CPA6: variants seen among roughly 807,000 people sequenced by gnomAD.
CPA6 encodes the protein carboxypeptidase B.
CPA6 carries 58 observed loss-of-function variants against 63.3 expected under a neutral mutation model. The observed-to-expected ratio is 0.92, with a 90% confidence interval of 0.74 to 1.14. The LOEUF is 1.14. CPA6 is among the 50% of genes most tolerant of loss of function. The probability of loss-of-function intolerance (pLI) is 0.00; values close to 1 mark genes in which losing one functional copy is unlikely to be tolerated. For missense variants in CPA6, 565 were observed against 526.6 expected, an observed-to-expected ratio of 1.07 and a Z score of -0.71; for synonymous variants, 185 against 179.0, an observed-to-expected ratio of 1.03 and a Z score of -0.27.
chr8:67,626,390 C>G (rs1013935639), intron 1 of CPA6, among the ~76,000 whole-genome samples: 2 of 152,192 alleles, frequency 1.3e-5, no homozygotes, highest in African/African-American at 4.8e-5. Flanking sequence ...TCCTTTAGGC[C>G]TATGAATAAA....
At position 67,620,413 on chromosome 8, in the gene CPA6, G is replaced by T. The variant is rs1374239797; in HGVS notation, c.192+3763C>A. ...TATTCAGGGCATGTACACCAGAGGG[G>T]ATAGAAATCTTGGGGCTATCTTAGA... is the stretch of plus-strand genomic sequence containing the variant. On this transcript the variant is annotated intron_variant, in intron 2 of 10. Coordinates refer to ENST00000297770, the MANE Select transcript of CPA6 (RefSeq NM_020361.5). 2.6e-5 allele frequency among the ~76,000 whole-genome samples: 4 copies of T among 152,296 alleles called. No homozygotes were observed. In the East Asian group the frequency reaches 7.7e-4, roughly 29 times the overall value.
chr8:67,427,169 C>T (rs1031957914), intron 10 of CPA6, among the ~76,000 whole-genome samples: 1 of 152,178 alleles, frequency 6.6e-6, no homozygotes, highest in African/African-American at 2.4e-5. Context: ...AGCCCTTTAT[C>T]ACCACAGACT....
At chr8:67,552,633 C>T (rs184058341) in intron 2 of CPA6, among the ~76,000 whole-genome samples, 1,878 of 151,652 alleles carry the variant, frequency 0.012, 18 homozygotes, top group Admixed American at 0.017. Context: ...ATTAGCTGGA[C>T]GTGGTGGCAC....
At chr8:67,539,149 C>T (rs1195804207) in intron 2 of CPA6, among the ~76,000 whole-genome samples, 1 of 152,120 alleles carries the variant, frequency 6.6e-6, no homozygotes, top group African/African-American at 2.4e-5. Flanking sequence ...TTTTTCCTTT[C>T]CATATTTAGT....
At chr8:67,715,398 A>G (rs1817357053) in intron 1 of CPA6, among the ~76,000 whole-genome samples, 1 of 152,206 alleles carries the variant, frequency 6.6e-6, no homozygotes, top group Non-Finnish European at 1.5e-5. Context: ...TTTAGTGAAA[A>G]CTAGCCCTTC....
chr8:67,554,796 A>G (rs1744727597), intron 2 of CPA6, among the ~76,000 whole-genome samples: 1 of 152,106 alleles, frequency 6.6e-6, no homozygotes, highest in Non-Finnish European at 1.5e-5. Context: ...TCTGGGAGAG[A>G]GTGCCCAAAT....
At chr8:67,500,185 G>A (rs923466876) in intron 6 of CPA6, among the ~76,000 whole-genome samples, 1 of 152,104 alleles carries the variant, frequency 6.6e-6, no homozygotes, top group African/African-American at 2.4e-5. Context: ...ATCTGTAGAT[G>A]TATAGATCTA....
chr8:67,697,766 GA>G (rs34738646), intron 1 of CPA6, among the ~76,000 whole-genome samples: 13 of 149,690 alleles, frequency 8.7e-5, no homozygotes, highest in Admixed American at 6.0e-4. Context: ...GCAGTCGCAG[GA>G]AAAAAAAAAC....
At chr8:67,458,298 G>A (rs921819622) in intron 8 of CPA6, among the ~76,000 whole-genome samples, 1 of 152,162 alleles carries the variant, frequency 6.6e-6, no homozygotes, top group African/African-American at 2.4e-5. Flanking sequence ...CCAGGTTCAA[G>A]TGATTCTCGT....
At position 67,639,137 on chromosome 8, in the gene CPA6, G is replaced by A. The variant is rs555437746; in HGVS notation, c.117-14886C>T. ...CTGTTGAAATTGTCAGATAGTGCAGGGGTTGGAAAGTTTTTCTGTAAAGAG... is the reference window on the plus strand; with the variant it reads ...CTGTTGAAATTGTCAGATAGTGCAGAGGTTGGAAAGTTTTTCTGTAAAGAG... On this transcript the variant is annotated intron_variant, in intron 1 of 10. Coordinates refer to ENST00000297770, the MANE Select transcript of CPA6 (RefSeq NM_020361.5). 9.9e-5 allele frequency among the ~76,000 whole-genome samples: 15 copies of A among 151,738 alleles called. 1 individual carries two copies. The highest frequency in any genetic ancestry group is 9.8e-4 in the Admixed American group (15 of 15,268).
intron 9 of CPA6, among the ~76,000 whole-genome samples, chr8:67,433,082 T>C (rs1810063900): frequency 6.6e-6 from 1 of 152,198 alleles, no homozygotes; most frequent in Non-Finnish European, 1.5e-5. Context: ...ATCACACATT[T>C]GGTGTCAAGA....
chr8:67,425,270 C>CTAT (rs563612920), intron 10 of CPA6, among the ~76,000 whole-genome samples: 166 of 151,546 alleles, frequency 1.1e-3, no homozygotes, highest in Admixed American at 2.0e-3. Flanking sequence ...TGAGATAATC[C>CTAT]TATTATTATT....
intron 1 of CPA6, among the ~76,000 whole-genome samples, chr8:67,727,309 G>T (rs1171769617): frequency 2.0e-5 from 3 of 151,850 alleles, no homozygotes; most frequent in Non-Finnish European, 4.4e-5. Flanking sequence ...GTATTGTTGG[G>T]GCTCACAGAA....
At chr8:67,447,765 A>T (rs1440165691) in intron 8 of CPA6, among the ~76,000 whole-genome samples, 2 of 151,962 alleles carry the variant, frequency 1.3e-5, no homozygotes, top group African/African-American at 2.4e-5. Flanking sequence ...TTGATGGCAA[A>T]CATTTAATTT....
chr8:67,671,274 T>C (rs1418389888), intron 1 of CPA6, among the ~76,000 whole-genome samples: 2 of 152,206 alleles, frequency 1.3e-5, no homozygotes, highest in East Asian at 3.9e-4. Context: ...CACATTTGTC[T>C]TTCAGTTGTC....
chr8:67,518,920 G>A (rs1812205424), intron 2 of CPA6, among the ~76,000 whole-genome samples: 1 of 152,158 alleles, frequency 6.6e-6, no homozygotes. Context: ...GGAAGACTTG[G>A]CTGCTAGGGT....
chr8:67,580,768 TCTG>T (rs1813750223), intron 2 of CPA6, among the ~76,000 whole-genome samples: 2 of 152,216 alleles, frequency 1.3e-5, no homozygotes, highest in African/African-American at 4.8e-5. Flanking sequence ...GGAATCAGGC[TCTG>T]ACCATGCTGA....
rs760469972 is a variant in CPA6 at position 67,520,724 on chromosome 8, G to A, written c.193-2677C>T. On this transcript the variant is annotated intron_variant, in intron 2 of 10. Transcript: ENST00000297770. ...AAGGAGAAGATTCAGGTTCATAGAG[G>A]CTAAGTCACTTTCCCAAGGTTGCAC... 7.9e-5 allele frequency among the ~76,000 whole-genome samples: 12 copies of A among 152,170 alleles called. 1 individual carries two copies. Among genetic ancestry groups the A allele is most frequent in the Non-Finnish European group, 1.6e-4 (11 of 68,032 alleles).
chr8:67,634,756 T>C (rs1010765539), intron 1 of CPA6, among the ~76,000 whole-genome samples: 1 of 151,668 alleles, frequency 6.6e-6, no homozygotes, highest in African/African-American at 2.4e-5. Context: ...CAGTGGTAGA[T>C]GCCAGGGAGA....
Sources: allele counts gnomAD v4.1 joint callset (sites outside exome capture counted in the v4.1 genomes callset), GRCh38; gene constraint gnomAD v4.1.1; transcripts MANE v1.5; gene names NCBI Gene and HGNC (gene_info 2026-07-23, HGNC 2026-07-21).